KCNQ5: variants seen among roughly 807,000 people sequenced by gnomAD.
KCNQ5 encodes potassium voltage-gated channel subfamily Q member 5.
A neutral mutation model predicts 98.2 loss-of-function variants in KCNQ5; 30 were observed. The observed-to-expected ratio is 0.31, with a 90% CI of 0.23 to 0.41. KCNQ5 has a LOEUF of 0.41. Among genes scored for constraint, KCNQ5 ranks in the 10% least tolerant of loss-of-function variants. KCNQ5 has a pLI of 1.00. For synonymous variants in KCNQ5, 458 were observed against 449.4 expected (o/e 1.02, Z -0.24); for missense variants, 835 against 1,182.5 (o/e 0.71, Z 4.31).
intron 1 of KCNQ5, among the ~76,000 whole-genome samples, chr6:72,942,262 C>T (rs2150242807): frequency 6.6e-6 from 1 of 152,278 alleles, no homozygotes; most frequent in East Asian, 1.9e-4. Flanking sequence ...TACAGAATCA[C>T]ACATTTTAAA....
intron 1 of KCNQ5, among the ~76,000 whole-genome samples, chr6:72,661,532 G>A (rs1766525729): frequency 6.6e-6 from 1 of 152,074 alleles, no homozygotes; most frequent in Non-Finnish European, 1.5e-5. Context: ...CCCCATAGGA[G>A]TAAGTTTCTT....
intron 1 of KCNQ5, among the ~76,000 whole-genome samples, chr6:72,963,537 A>G (rs914923162): frequency 1.3e-5 from 2 of 152,210 alleles, no homozygotes; most frequent in Admixed American, 6.5e-5. Flanking sequence ...GGAAAGGAGT[A>G]TTGTTTAGCA....
chr6:72,689,728 G>A (rs1582119053), intron 1 of KCNQ5, among the ~76,000 whole-genome samples: 1 of 151,668 alleles, frequency 6.6e-6, no homozygotes, highest in Non-Finnish European at 1.5e-5. Context: ...CAGTGACATT[G>A]CATGCAGTTT....
intron 1 of KCNQ5, among the ~76,000 whole-genome samples, chr6:72,796,905 TG>T (rs1774363876): frequency 6.6e-6 from 1 of 152,186 alleles, no homozygotes; most frequent in African/African-American, 2.4e-5. Flanking sequence ...ATCTGTTCAA[TG>T]AATATAATGA....
chr6:72,985,465 A>G (rs7741001), intron 1 of KCNQ5, among the ~76,000 whole-genome samples: 13,388 of 152,264 alleles, frequency 0.088, 1,138 homozygotes, highest in African/African-American at 0.23. Context: ...CAGGAATAGA[A>G]AAGAAATAAT....
intron 10 of KCNQ5, chr6:73,135,907 T>G (rs1474913577): frequency 6.6e-6 from 1 of 152,194 alleles, no homozygotes; most frequent in East Asian, 1.9e-4. Flanking sequence ...ATGTGCAAAT[T>G]TCCTCTACTT....
chr6:72,727,741 T>C (rs56351543), intron 1 of KCNQ5, among the ~76,000 whole-genome samples: 4,362 of 152,050 alleles, frequency 0.029, 101 homozygotes, highest in Non-Finnish European at 0.045. Context: ...TCAGTTTGGG[T>C]GGGGTCAGCT....
chr6:72,713,515 T>C (rs1037420242), intron 1 of KCNQ5, among the ~76,000 whole-genome samples: 11 of 152,150 alleles, frequency 7.2e-5, no homozygotes, highest in African/African-American at 2.7e-4. Context: ...ATGATTTGCG[T>C]TTTCCCAGCA....
chr6:73,025,093 T>C (rs1770812910), intron 2 of KCNQ5, among the ~76,000 whole-genome samples: 1 of 152,182 alleles, frequency 6.6e-6, no homozygotes, highest in South Asian at 2.1e-4. Context: ...GAAAATAAGA[T>C]AAATTCAAAG....
chr6:72,796,222 G>A (rs1774328827), intron 1 of KCNQ5, among the ~76,000 whole-genome samples: 1 of 152,040 alleles, frequency 6.6e-6, no homozygotes, highest in African/African-American at 2.4e-5. Flanking sequence ...AATATATTTT[G>A]AAGTAATTGC....
At chr6:72,736,174 T>C (rs1770820887) in intron 1 of KCNQ5, among the ~76,000 whole-genome samples, 1 of 151,952 alleles carries the variant, frequency 6.6e-6, no homozygotes, top group African/African-American at 2.4e-5. Context: ...TCAGAACATA[T>C]CAAAAGCTCT....
chr6:72,994,688 A>G (rs937384360), intron 1 of KCNQ5, among the ~76,000 whole-genome samples: 2 of 151,802 alleles, frequency 1.3e-5, no homozygotes, highest in Admixed American at 1.3e-4. Flanking sequence ...TCCTCCTCCC[A>G]TGATTTTCTT....
chr6:73,129,791 A>G, intron 9 of KCNQ5: 1 of 1,611,806 alleles, frequency 6.2e-7, no homozygotes, highest in Non-Finnish European at 8.5e-7. Context: ...CCTCACTCCT[A>G]GTAAGTTCTG....
At chr6:72,844,538 T>C (rs1776939234) in intron 1 of KCNQ5, among the ~76,000 whole-genome samples, 1 of 152,190 alleles carries the variant, frequency 6.6e-6, no homozygotes, top group Admixed American at 6.5e-5. Flanking sequence ...ACTGTACATA[T>C]CACCCTTTAT....
In KCNQ5 at chr6:72,711,212, AG is replaced by A. The variant is rs1353583467; in HGVS notation, c.398+88626del. ...TTAAGAATAAATGTACACAGAGAAA[AG>A]ACCATGTGAGTACACAGCAAGAAGT... On this transcript the variant is annotated intron_variant, in intron 1 of 13. Transcript: ENST00000370398. Among the ~76,000 whole-genome samples the A allele has an allele frequency of 2.0e-5, 3 of 152,118 alleles. No individual in the cohort carries two copies. In the East Asian group the frequency reaches 5.8e-4, roughly 29 times the overall value.
intron 7 of KCNQ5, among the ~76,000 whole-genome samples, chr6:73,118,171 G>T (rs1176715204): frequency 6.6e-6 from 1 of 152,332 alleles, no homozygotes; most frequent in East Asian, 1.9e-4. Context: ...AGGACCTCCT[G>T]TGTACCCCTT....
At chr6:73,065,957 G>A (rs895148475) in intron 3 of KCNQ5, among the ~76,000 whole-genome samples, 8 of 152,232 alleles carry the variant, frequency 5.3e-5, no homozygotes, top group Admixed American at 5.2e-4. Context: ...GACCAGCCTG[G>A]CCAACATGGT....
intron 1 of KCNQ5, among the ~76,000 whole-genome samples, chr6:72,741,439 G>A (rs1032880581): frequency 1.8e-4 from 28 of 152,102 alleles, no homozygotes; most frequent in Admixed American, 2.6e-4. Flanking sequence ...CCAATGTCTC[G>A]TAGGGCAGTG....
intron 10 of KCNQ5, among the ~76,000 whole-genome samples, chr6:73,140,668 A>G (rs1481717607): frequency 6.6e-6 from 1 of 152,202 alleles, no homozygotes; most frequent in Non-Finnish European, 1.5e-5. Flanking sequence ...AAACTCTAGA[A>G]ATTTATTCTT....
Sources: allele counts gnomAD v4.1 joint callset (sites outside exome capture counted in the v4.1 genomes callset), GRCh38; gene constraint gnomAD v4.1.1; transcripts MANE v1.5; gene names NCBI Gene and HGNC (gene_info 2026-07-23, HGNC 2026-07-21).